The following ARHGAP45 variants were observed in gnomAD, a reference collection of about 807,000 sequenced individuals.
ARHGAP45 encodes the protein rho GTPase-activating protein 45.
ARHGAP45 carries 56 observed loss-of-function variants against 116.1 expected under a neutral mutation model. The observed-to-expected ratio is 0.48, with a 90% CI of 0.39 to 0.60. The LOEUF is 0.60. Ranked by LOEUF, ARHGAP45 falls within the 20% of genes least tolerant of loss-of-function variation. ARHGAP45 has a pLI of 0.00. For missense variants in ARHGAP45, 1,622 were observed against 1,601.0 expected (o/e 1.01, Z -0.22); for synonymous variants, 866 against 701.7 (o/e 1.23, Z -3.70).
Position 1,076,037 on chromosome 19 carries a change from G to T in ARHGAP45, c.1185+1158G>T, listed in dbSNP as rs55832247. Among the ~76,000 whole-genome samples, 544 of 152,092 alleles carry T rather than the reference G, an allele frequency of 3.6e-3. 2 individuals carry two copies. Among genetic ancestry groups the T allele is most frequent in the Non-Finnish European group, 5.6e-3 (378 of 67,986 alleles). ...TGAAGCAGCCTGAACCCCTTTTTTCGGCTGTGCAGGGCTCAGCTGAGGAGA... is the reference window on the plus strand; with the variant it reads ...TGAAGCAGCCTGAACCCCTTTTTTCTGCTGTGCAGGGCTCAGCTGAGGAGA... On this transcript the variant is annotated intron_variant, in intron 10 of 22. Transcript: ENST00000313093.
intron 10 of ARHGAP45, among the ~76,000 whole-genome samples, chr19:1,075,802 CT>C (rs1332604355): frequency 6.6e-6 from 1 of 152,144 alleles, no homozygotes; most frequent in Admixed American, 6.6e-5. Flanking sequence ...TTTTTGTATA[CT>C]CACTATGTTG....
intron 19 of ARHGAP45, chr19:1,082,611 C>A: frequency 1.9e-6 from 1 of 540,530 alleles, no homozygotes; most frequent in South Asian, 2.6e-5. Flanking sequence ...GGGCGGGGCG[C>A]GCGTGGCCAG....
intron 22 of ARHGAP45, 150 bp from the exon 23 acceptor site, chr19:1,085,510 T>TCCATCTCTCCTGTTTCTCC (rs2043587921): frequency 1.8e-6 from 1 of 541,180 alleles, no homozygotes; most frequent in East Asian, 2.9e-5. Context: ...TTGTCTCTCC[T>TCCATCTCTCCTGTTTCTCC]CCATCTCTCC....
At chr19:1,080,218 C>G in intron 13 of ARHGAP45, 37 bp from the exon 14 acceptor site, 1 of 1,611,314 alleles carries the variant, frequency 6.2e-7, no homozygotes, top group Non-Finnish European at 8.5e-7. Context: ...TCTTGCCCCC[C>G]ATCACCTCCC....
intron 19 of ARHGAP45, among the ~76,000 whole-genome samples, chr19:1,082,326 C>A (rs1023493660): frequency 2.1e-5 from 3 of 141,366 alleles, no homozygotes; most frequent in Non-Finnish European, 3.1e-5. Context: ...GCAAGATGGG[C>A]GTGTTCAGCG....
rs1232032597 is a variant in ARHGAP45, at chr19:1,071,282, C to CGCCCCGAG, written c.422-1867_422-1866insGCCCCGAG. ...GCTCGCGGTCTCCGCGCCCCGACGG[C>CGCCCCGAG]TGCGCCATGTGTATCTGCGGGACGG... On this transcript the variant is annotated intron_variant, in intron 2 of 22. Transcript: ENST00000313093. The surrounding 1 kb of genome is among the most constrained non-coding windows in gnomAD (Gnocchi z 4.6). The CGCCCCGAG allele has an allele frequency of 2.0e-6, 3 of 1,479,334 alleles. No individual in the cohort carries two copies. The African/African-American group carries it at 4.4e-5, about 22-fold the overall frequency. The allele number at this position is 1,479,334 out of a possible 1,614,324, so 91.6% of individuals were successfully genotyped here.
chr19:1,077,789 G>T, intron 10 of ARHGAP45, 68 bp from the exon 11 acceptor site: 2 of 1,549,470 alleles, frequency 1.3e-6, no homozygotes, highest in Non-Finnish European at 1.7e-6. Flanking sequence ...AGGAAAGGAG[G>T]AGCTGGGGAG....
chr19:1,078,795 C>T (rs1406964068), intron 11 of ARHGAP45, among the ~76,000 whole-genome samples: 1 of 151,988 alleles, frequency 6.6e-6, no homozygotes, highest in Non-Finnish European at 1.5e-5. Context: ...TGGCTCACTG[C>T]AGCCTCTACC....
intron 22 of ARHGAP45, among the ~76,000 whole-genome samples, chr19:1,084,779 A>G (rs893286699): frequency 2.6e-5 from 4 of 152,276 alleles, no homozygotes; most frequent in South Asian, 2.1e-4. Flanking sequence ...GTCTGTCTTC[A>G]CACTGCTGAT....
At chr19:1,078,396 G>C (rs1046501334) in intron 11 of ARHGAP45, among the ~76,000 whole-genome samples, 2 of 151,604 alleles carry the variant, frequency 1.3e-5, no homozygotes, top group African/African-American at 2.4e-5. Flanking sequence ...GTCCACCTCG[G>C]CCTCCCAAAG....
rs562294133 is a variant in ARHGAP45 at position 1,082,843 on chromosome 19, C to G, written c.2521C>G (p.Pro841Ala). 1 of 1,500,976 alleles carries G rather than the reference C, an allele frequency of 6.7e-7. No homozygotes were observed. The highest frequency in any genetic ancestry group is 2.3e-5 in the East Asian group (1 of 42,836). 93.0% of individuals were successfully genotyped at this position (1,500,976 alleles called of 1,614,324 possible). Residue 841 changes from proline (P) to alanine (A), a missense_variant, in exon 20 of 23, where the codon CCC becomes GCC. By Grantham distance (27) the Pro-to-Ala change is conservative. Around this residue, in one of 3 missense-constraint regions of ARHGAP45, gnomAD observed 1,334 missense variants for 1,263.8 expected, o/e 1.06. Coordinates refer to ENST00000313093, the MANE Select transcript of ARHGAP45 (RefSeq NM_012292.5). ...NVLKLYLRQL[P>A]EPLISFRLYH... ...GCTGACCCTTGACTCTGCGCAGCTT[C>G]CCGAGCCGCTCATCTCCTTCCGCCT...
At position 1,080,078 on chromosome 19, in the gene ARHGAP45, G is replaced by A; in HGVS notation, c.1663G>A (p.Val555Met). 1.2e-6 allele frequency: 2 copies of A among 1,612,572 alleles called. No homozygotes were observed. Among genetic ancestry groups the A allele is most frequent in the African/African-American group, 1.3e-5 (1 of 75,060 alleles). Residue 555 changes from valine (V) to methionine (M), a missense_variant, in exon 13 of 23, where the codon GTG (valine) becomes ATG (methionine). By Grantham distance (21) the Val-to-Met change is conservative. Around this residue, in one of 3 missense-constraint regions of ARHGAP45, gnomAD observed 1,334 missense variants for 1,263.8 expected, o/e 1.06. Transcript: ENST00000313093. ...GCTGCAGCGGGACCAGGAGCCCGAT[G>A]TGCACTACGACTTTGAGCCCCACGT... ...RQLQRDQEPD[V>M]HYDFEPHVSA...
rs762974380 is a variant in ARHGAP45, at chr19:1,085,788, G to C, written c.3193G>C (p.Glu1065Gln). The C allele has an allele frequency of 1.2e-6, 2 of 1,612,858 alleles. No homozygotes were observed. The highest frequency in any genetic ancestry group is 2.2e-5 in the South Asian group (2 of 91,080). The change falls in exon 23 of 23, where the codon GAG (glutamate) becomes CAG (glutamine). Residue 1065 changes from glutamate (E) to glutamine (Q), a missense_variant. Physicochemically the swap from Glu to Gln is conservative, Grantham distance 29. This residue lies in a region of ARHGAP45 where 1,334 missense variants were observed against 1,263.8 expected (regional missense o/e 1.06). Coordinates refer to ENST00000313093, the MANE Select transcript of ARHGAP45 (RefSeq NM_012292.5). ...GCAGCAGCAGAGCGAGGCCAGCCTA[G>C]AGGTGGCTTCTGGCAGCCACAGCGG... ...LEQQQSEASL[E>Q]VASGSHSGSE...
intron 21 of ARHGAP45, 27 bp downstream of exon 21, chr19:1,083,380 G>A (rs984680245): frequency 3.3e-6 from 5 of 1,526,896 alleles, no homozygotes; most frequent in Non-Finnish European, 3.5e-6. Context: ...GACCGGGGCT[G>A]GCCACTCGGG....
chr19:1,070,449 G>A (rs1332689398), intron 2 of ARHGAP45, among the ~76,000 whole-genome samples: 6 of 145,184 alleles, frequency 4.1e-5, no homozygotes, highest in Non-Finnish European at 7.5e-5. Flanking sequence ...TTCTGCCTCA[G>A]CCTCCCGAGT....
rs1272858532 is a variant in ARHGAP45, at chr19:1,083,236, C to T, written c.2838C>T (p.Ala946=). ...TGCTTCGGCCACGGCCCACCGAGGC[C>T]ACCGTGTCCCTCTCCTCCCTGGTGG... ...PTLLRPRPTE[A]TVSLSSLVDY... Residue 946 remains alanine, a synonymous_variant, in exon 21 of 23, where the codon GCC becomes GCT. Coordinates refer to ENST00000313093, the MANE Select transcript of ARHGAP45 (RefSeq NM_012292.5). The T allele has an allele frequency of 2.5e-6, 4 of 1,607,122 alleles. No individual in the cohort carries two copies. The African/African-American group carries it at 5.3e-5, about 21-fold the overall frequency.
At position 1,074,615 on chromosome 19, in the gene ARHGAP45, C is replaced by T. The variant is rs1331080978; in HGVS notation, c.995C>T (p.Pro332Leu). ...HNCRQSVMQE[P>L]HMPLLSIYSL... ...AGTGAGCCGGTGCCCCACCCACAGC[C>T]CCACATGCCGCTCCTGTCCATCTAC... Residue 332 changes from proline (P) to leucine (L), a missense_variant and splice_region_variant, in exon 9 of 23, where the codon CCC becomes CTC. Transcript: ENST00000313093. 1 of 1,577,984 alleles carries T rather than the reference C, an allele frequency of 6.3e-7. No homozygotes were observed. Among genetic ancestry groups the T allele is most frequent in the Non-Finnish European group, 8.6e-7 (1 of 1,162,494 alleles).
chr19:1,083,418 G>A, intron 21 of ARHGAP45, 65 bp downstream of exon 21: 2 of 1,396,714 alleles, frequency 1.4e-6, no homozygotes, highest in Non-Finnish European at 2.0e-6. Flanking sequence ...CGCTGCTGGG[G>A]ACAGTCGTTG....
chr19:1,078,150 T>C (rs1307239373), intron 11 of ARHGAP45, 105 bp downstream of exon 11: 15 of 1,449,406 alleles, frequency 1.0e-5, no homozygotes, highest in African/African-American at 4.3e-5. Flanking sequence ...TTTTGTTTTT[T>C]TGTTTGTTTT....
Sources: gnomAD v4.1 joint callset for allele counts (sites outside exome capture counted in the v4.1 genomes callset) on GRCh38, gnomAD v4.1.1 for gene constraint, gnomAD v4.1.1 regional missense constraint, Gnocchi (gnomAD v3.1) non-coding constraint, MANE v1.5 for transcripts, NCBI Gene and HGNC (gene_info 2026-07-23, HGNC 2026-07-21) for gene names.